The following STAC variants were observed in gnomAD, a reference collection of about 807,000 sequenced individuals.
The protein encoded by STAC is SH3 and cysteine rich domain.
Under a neutral mutation model 48.8 loss-of-function variants are expected in STAC, and 43 were observed. The ratio of observed to expected loss-of-function variants is 0.88; its 90% CI spans 0.69 to 1.14. The LOEUF (loss-of-function observed/expected upper bound fraction) is 1.14. Among genes scored for constraint, STAC ranks in the 50% most tolerant of loss-of-function variants. The pLI is 0.00. For synonymous variants in STAC, 193 were observed against 179.5 expected, an observed-to-expected ratio of 1.07 and a Z score of -0.60; for missense variants, 497 against 504.0, an observed-to-expected ratio of 0.99 and a Z score of 0.13.
chr3:36,463,417 T>G (rs115037539), intron 2 of STAC, among the ~76,000 whole-genome samples: 2,171 of 152,178 alleles, frequency 0.014, 58 homozygotes, highest in African/African-American at 0.049. Flanking sequence ...GGCTCTAAAA[T>G]CCATCCAAAA....
At chr3:36,485,936 G>A in intron 4 of STAC, 198 bp from the exon 5 acceptor site, 1 of 539,306 alleles carries the variant, frequency 1.9e-6, no homozygotes, top group Non-Finnish European at 3.3e-6. Flanking sequence ...GTACATGGCA[G>A]GACCTGCAAA....
intron 2 of STAC, among the ~76,000 whole-genome samples, chr3:36,475,405 CAT>C (rs769680729): frequency 5.5e-4 from 84 of 152,246 alleles, no homozygotes; most frequent in African/African-American, 1.7e-3. Flanking sequence ...ATATTCCAAA[CAT>C]GTGATCATTC....
At chr3:36,388,215 G>A (rs1699666056) in intron 1 of STAC, among the ~76,000 whole-genome samples, 2 of 152,084 alleles carry the variant, frequency 1.3e-5, no homozygotes, top group African/African-American at 2.4e-5. Context: ...TGATGCAGAA[G>A]TATTGAATTT....
chr3:36,475,227 A>G (rs979034707), intron 2 of STAC, among the ~76,000 whole-genome samples: 1 of 152,120 alleles, frequency 6.6e-6, no homozygotes, highest in Non-Finnish European at 1.5e-5. Flanking sequence ...ATCAAAGAGA[A>G]GTAGCATGTG....
At chr3:36,504,669 TTTTG>T (rs1363060964) in intron 7 of STAC, among the ~76,000 whole-genome samples, 18 of 152,276 alleles carry the variant, frequency 1.2e-4, no homozygotes, top group African/African-American at 4.3e-4. Context: ...ACTGTGCACC[TTTTG>T]TTTCTGTTAT....
Position 36,484,278 on chromosome 3 carries a change from A to T in STAC, c.490-699A>T, listed in dbSNP as rs908429995. On this transcript the variant is annotated intron_variant, in intron 3 of 10. Transcript: ENST00000273183. ...GGACACCACTTTCCAGGAACATTAG[A>T]CAGGATTCTGGAATTCTAGAAGGGA... 2.6e-5 allele frequency among the ~76,000 whole-genome samples: 4 copies of T among 152,220 alleles called. No homozygotes were observed. The South Asian group carries it at 6.2e-4, about 24-fold the overall frequency.
In STAC at chr3:36,437,167, C is replaced by T. The variant is rs568714703; in HGVS notation, c.112-6197C>T. On this transcript the variant is annotated intron_variant, in intron 1 of 10. Transcript: ENST00000273183. Reference sequence around the variant, plus strand: ...ATGTGGAGAAACAGGAACACTTTTACACTGTTGGTGGGACTGTAAACTAGT... The same window carrying T: ...ATGTGGAGAAACAGGAACACTTTTATACTGTTGGTGGGACTGTAAACTAGT... 9.9e-5 allele frequency among the ~76,000 whole-genome samples: 15 copies of T among 151,676 alleles called. No homozygotes were observed. In the South Asian group the frequency reaches 2.9e-3, roughly 30 times the overall value.
chr3:36,511,954 T>C (rs1698552776), intron 8 of STAC, among the ~76,000 whole-genome samples: 1 of 152,172 alleles, frequency 6.6e-6, no homozygotes, highest in Non-Finnish European at 1.5e-5. Flanking sequence ...CAAGACATCA[T>C]AGCAGATTTA....
intron 2 of STAC, among the ~76,000 whole-genome samples, chr3:36,453,972 C>A (rs1246907457): frequency 6.6e-6 from 1 of 152,140 alleles, no homozygotes; most frequent in African/African-American, 2.4e-5. Flanking sequence ...CACTCTTTAT[C>A]TAGCTAATCT....
At position 36,493,307 on chromosome 3, in the gene STAC, C is replaced by T. The variant is rs576676699; in HGVS notation, c.766+78C>T. On this transcript the variant is annotated intron_variant, in intron 6 of 10. Coordinates refer to ENST00000273183, the MANE Select transcript of STAC (RefSeq NM_003149.3). Reference sequence around the variant, plus strand: ...TGGGCAGGCCAAGTTGATTTCCAGTCCCCTTGCTTTCTCTGCTAGCTCTGG... The same window carrying T: ...TGGGCAGGCCAAGTTGATTTCCAGTTCCCTTGCTTTCTCTGCTAGCTCTGG... 94 of 1,356,682 alleles carry T rather than the reference C, an allele frequency of 6.9e-5. No homozygotes were observed. In the African/African-American group the frequency reaches 1.2e-3, roughly 18 times the overall value. The allele number at this position is 1,356,682 out of a possible 1,614,324, so 84.0% of individuals were successfully genotyped here.
chr3:36,487,406 T>C (rs1412745316), intron 5 of STAC, among the ~76,000 whole-genome samples: 2 of 152,254 alleles, frequency 1.3e-5, no homozygotes, highest in Non-Finnish European at 2.9e-5. Flanking sequence ...ATGCATCCAC[T>C]GATTTCTAAG....
intron 1 of STAC, among the ~76,000 whole-genome samples, chr3:36,423,805 T>C (rs1700501542): frequency 6.6e-6 from 1 of 152,168 alleles, no homozygotes; most frequent in African/African-American, 2.4e-5. Context: ...TACAAGATGT[T>C]TTCAGGCTTA....
At chr3:36,484,594 T>C (rs1411078711) in intron 3 of STAC, among the ~76,000 whole-genome samples, 1 of 152,178 alleles carries the variant, frequency 6.6e-6, no homozygotes, top group Non-Finnish European at 1.5e-5. Flanking sequence ...CCCAGGCCTT[T>C]TATTTATATT....
chr3:36,398,312 A>AAAGAAAGAAAGAAAGC (rs1699897394), intron 1 of STAC, among the ~76,000 whole-genome samples: 1 of 105,856 alleles, frequency 9.4e-6, no homozygotes, highest in Non-Finnish European at 1.9e-5. Context: ...AGAAAGAAAG[A>AAAGAAAGAAAGAAAGC]AAGAAAGCAA....
At chr3:36,446,840 A>G (rs1696520339) in intron 2 of STAC, among the ~76,000 whole-genome samples, 1 of 152,234 alleles carries the variant, frequency 6.6e-6, no homozygotes, top group Non-Finnish European at 1.5e-5. Flanking sequence ...TCCTAAACAG[A>G]TATTTCGAAA....
intron 1 of STAC, among the ~76,000 whole-genome samples, chr3:36,439,945 T>C (rs1696292218): frequency 6.6e-6 from 1 of 152,220 alleles, no homozygotes; most frequent in South Asian, 2.1e-4. Context: ...CACCTCCTTC[T>C]TCCCCCTTCT....
intron 1 of STAC, among the ~76,000 whole-genome samples, chr3:36,421,291 A>C (rs1216177440): frequency 6.6e-6 from 1 of 152,198 alleles, no homozygotes. Flanking sequence ...TCATGTGAAG[A>C]ATATGAACTT....
intron 2 of STAC, among the ~76,000 whole-genome samples, chr3:36,479,717 G>A (rs1303285745): frequency 6.6e-6 from 1 of 152,176 alleles, no homozygotes; most frequent in Non-Finnish European, 1.5e-5. Context: ...AATTTAAAGA[G>A]CCAGACTGAG....
In STAC at chr3:36,451,402, TAATCCAGATTTTAAAAATC is replaced by T. The variant is rs1696675906; in HGVS notation, c.388+7766_388+7784del. Among the ~76,000 whole-genome samples, 7 of 152,330 alleles carry T rather than the reference TAATCCAGATTTTAAAAATC, an allele frequency of 4.6e-5. No individual in the cohort carries two copies. The South Asian group carries it at 1.5e-3, about 32-fold the overall frequency. On this transcript the variant is annotated intron_variant, in intron 2 of 10. Transcript: ENST00000273183. Reference sequence around the variant, plus strand: ...ATTTCTCCTTCCTGTTTTTGCAGATTAATCCAGATTTTAAAAATCAATTCAGATTTTTATTGTTATTTCA... The same window carrying T: ...ATTTCTCCTTCCTGTTTTTGCAGATTAATTCAGATTTTTATTGTTATTTCA...
Sources: gnomAD v4.1 joint callset for allele counts (sites outside exome capture counted in the v4.1 genomes callset) on GRCh38, gnomAD v4.1.1 for gene constraint, MANE v1.5 for transcripts, NCBI Gene and HGNC (gene_info 2026-07-23, HGNC 2026-07-21) for gene names.